Variants in ATP8B2 observed in about 807,000 individuals in gnomAD.
The protein encoded by ATP8B2 is ATPase phospholipid transporting 8B2, also known as phospholipid-transporting ATPase ID.
In ATP8B2, 70 loss-of-function variants were observed where a neutral mutation model predicts 133.4. The ratio of observed to expected loss-of-function variants is 0.52; its 90% CI spans 0.43 to 0.64. The LOEUF (loss-of-function observed/expected upper bound fraction) is 0.64, where lower values mean the gene tolerates loss of function less well. Ranked by LOEUF, ATP8B2 falls within the 30% of genes least tolerant of loss-of-function variation. The probability of loss-of-function intolerance (pLI) is 0.00; values close to 1 mark genes in which losing one functional copy is unlikely to be tolerated. For missense variants in ATP8B2, 1,101 were observed against 1,535.7 expected (o/e 0.72, Z 4.73); for synonymous variants, 517 against 589.5 (o/e 0.88, Z 1.78).
intron 12 of ATP8B2, 193 bp downstream of exon 12, chr1:154,337,737 C>T (rs1465676962): frequency 6.6e-7 from 1 of 1,524,884 alleles, no homozygotes; most frequent in Non-Finnish European, 8.7e-7. Flanking sequence ...GTACTTGGGA[C>T]TGTATTAGAG....
Position 154,330,953 on chromosome 1 carries a change from TG to T in ATP8B2, c.204+26del, listed in dbSNP as rs766257787. The T allele has an allele frequency of 7.5e-6, 12 of 1,606,766 alleles. No homozygotes were observed. In the South Asian group the frequency reaches 7.7e-5, roughly 10 times the overall value. ...GGTAGGTGACCCATAGTAGATTTTT[TG>T]CAGCTCCCCAAACTGAATAAAGCCA... On this transcript the variant is annotated intron_variant, in intron 4 of 27. Coordinates refer to ENST00000368489, the MANE Select transcript of ATP8B2 (RefSeq NM_001370597.1).
In ATP8B2 at chr1:154,328,761, G is replaced by T; in HGVS notation, c.31+589G>T. 1 of 995,936 alleles carries T rather than the reference G, an allele frequency of 1.0e-6. No individual in the cohort carries two copies. Among genetic ancestry groups the T allele is most frequent in the Non-Finnish European group, 1.2e-6 (1 of 837,314 alleles). 61.7% of individuals were successfully genotyped at this position (995,936 alleles called of 1,614,324 possible). On this transcript the variant is annotated intron_variant, in intron 2 of 27. Coordinates refer to ENST00000368489, the MANE Select transcript of ATP8B2 (RefSeq NM_001370597.1). This position sits in a 1 kb window ranked among gnomAD's most constrained non-coding sequence, Gnocchi z 4.6. The stretch of plus-strand genomic sequence containing the variant: ...GGCCACTCAGCGCACGCTGGCATCC[G>T]CCGGGGGGCATGGGGGGCGGCGGCG...
Position 154,328,876 on chromosome 1 carries a change from G to A in ATP8B2, c.31+704G>A, listed in dbSNP as rs1216100080. 1 of 1,208,196 alleles carries A rather than the reference G, an allele frequency of 8.3e-7. No individual in the cohort carries two copies. Among genetic ancestry groups the A allele is most frequent in the Non-Finnish European group, 1.1e-6 (1 of 945,836 alleles). The allele number at this position is 1,208,196 out of a possible 1,614,324, so 74.8% of individuals were successfully genotyped here. ...GTGGGGCGCGCGCCCGACGGCTGGG[G>A]CTCCCCTCTGAGCGGCTGCGGCTCC... is the stretch of plus-strand genomic sequence containing the variant. On this transcript the variant is annotated intron_variant, in intron 2 of 27. Coordinates refer to ENST00000368489, the MANE Select transcript of ATP8B2 (RefSeq NM_001370597.1). The surrounding 1 kb of genome is among the most constrained non-coding windows in gnomAD (Gnocchi z 4.6).
chr1:154,331,479 C>G lies in ATP8B2; in HGVS notation c.339C>G (p.Arg113=). ...AGAGCGATAACCAGGTGAATAACCG[C>G]CAGTCTCAGGTGCTGATCAATGGAA... The part of the protein sequence containing the change: ...RHKSDNQVNN[R]QSQVLINGIL... Residue 113 remains arginine (R), a synonymous_variant, in exon 6 of 28, where the codon CGC becomes CGG. Transcript: ENST00000368489. The surrounding 1 kb of genome is among the most constrained non-coding windows in gnomAD (Gnocchi z 4.8). 6.2e-7 allele frequency: 1 copy of G among 1,614,170 alleles called. No individual in the cohort carries two copies. The highest frequency in any genetic ancestry group is 1.7e-4 in the Middle Eastern group (1 of 6,046).
At chr1:154,342,649 AG>A in intron 14 of ATP8B2, 126 bp downstream of exon 14, 1 of 1,439,242 alleles carries the variant, frequency 6.9e-7, no homozygotes, top group Non-Finnish European at 9.7e-7. Flanking sequence ...GGGTGTTTTA[AG>A]GCAGAACTGG....
At position 154,334,428 on chromosome 1, in the gene ATP8B2, A is replaced by G; in HGVS notation, c.749-75A>G. 7 of 1,547,244 alleles carry G rather than the reference A, an allele frequency of 4.5e-6. No homozygotes were observed. Among genetic ancestry groups the G allele is most frequent in the Non-Finnish European group, 6.2e-6 (7 of 1,122,824 alleles). ...TCTCTATTCCACCCTGGTGTCCTGC[A>G]GTCTGGGGATCAGGGCAGAAGCCCA... On this transcript the variant is annotated intron_variant, in intron 10 of 27. Transcript: ENST00000368489. The surrounding 1 kb of genome is among the most constrained non-coding windows in gnomAD (Gnocchi z 4.6).
Position 154,328,060 on chromosome 1 carries a change from G to A in ATP8B2, c.-37-45G>A. ...AGAGGTCTCATGAGGGGAGGGAAGG[G>A]TTATCCTCAGCTTCCTGACCTCATT... On this transcript the variant is annotated intron_variant, in intron 1 of 27. Transcript: ENST00000368489. This position sits in a 1 kb window ranked among gnomAD's most constrained non-coding sequence, Gnocchi z 4.6. 6.3e-7 allele frequency: 1 copy of A among 1,593,690 alleles called. No individual in the cohort carries two copies. Among genetic ancestry groups the A allele is most frequent in the Non-Finnish European group, 8.6e-7 (1 of 1,161,448 alleles).
chr1:154,334,875 T>A lies in ATP8B2; in HGVS notation c.837+284T>A, dbSNP rs539669260. Among the ~76,000 whole-genome samples, 31 of 152,290 alleles carry A rather than the reference T, an allele frequency of 2.0e-4. No homozygotes were observed. The highest frequency in any genetic ancestry group is 2.0e-3 in the Admixed American group (31 of 15,298). ...TGACTTTGTGAAGCATGTGACCTTC[T>A]GTTTGCTTTTGCCAGGGACAAGGAG... On this transcript the variant is annotated intron_variant, in intron 11 of 27. Coordinates refer to ENST00000368489, the MANE Select transcript of ATP8B2 (RefSeq NM_001370597.1). The surrounding 1 kb of genome is among the most constrained non-coding windows in gnomAD (Gnocchi z 4.6).
chr1:154,335,985 T>C (rs1352776879), intron 11 of ATP8B2, among the ~76,000 whole-genome samples: 1 of 145,690 alleles, frequency 6.9e-6, no homozygotes. Context: ...CTTGCAGCAG[T>C]GAGCCGAGGT....
chr1:154,332,559 G>A, intron 8 of ATP8B2, 59 bp from the exon 9 acceptor site: 1 of 1,382,766 alleles, frequency 7.2e-7, no homozygotes, highest in Non-Finnish European at 1.0e-6. Context: ...CCCCATCTGT[G>A]AAAAAAAACA....
rs1686542481 is a variant in ATP8B2 at position 154,345,217 on chromosome 1, C to T, written c.2470+63C>T. 17 of 1,600,464 alleles carry T rather than the reference C, an allele frequency of 1.1e-5. No homozygotes were observed. Among genetic ancestry groups the T allele is most frequent in the African/African-American group, 1.3e-5 (1 of 74,576 alleles). ...AGGCTGGGGAGGGGCCCACTGAGGTCTCTGGACTGCAGAAGAATGACGGGA... is the reference window on the plus strand; with the variant it reads ...AGGCTGGGGAGGGGCCCACTGAGGTTTCTGGACTGCAGAAGAATGACGGGA... On this transcript the variant is annotated intron_variant, in intron 22 of 27. Transcript: ENST00000368489. This position sits in a 1 kb window ranked among gnomAD's most constrained non-coding sequence, Gnocchi z 5.6.
rs1558274024 is a variant in ATP8B2 at position 154,343,443 on chromosome 1, CCATT to C, written c.1643-6_1643-3del. 1 of 1,613,370 alleles carries C rather than the reference CCATT, an allele frequency of 6.2e-7. No individual in the cohort carries two copies. The highest frequency in any genetic ancestry group is 2.2e-5 in the East Asian group (1 of 44,838). ...TTTTCTGGCACTTTCTTCACCTGCCCCATTCATAGTGCGGAATCCAGAGGGGAAG... is the reference window on the plus strand; with the variant it reads ...TTTTCTGGCACTTTCTTCACCTGCCCCATAGTGCGGAATCCAGAGGGGAAG... On this transcript the variant is annotated splice_polypyrimidine_tract_variant and splice_region_variant and intron_variant, in intron 16 of 27. Coordinates refer to ENST00000368489, the MANE Select transcript of ATP8B2 (RefSeq NM_001370597.1). This position sits in a 1 kb window ranked among gnomAD's most constrained non-coding sequence, Gnocchi z 5.8.
chr1:154,350,278 C>G lies in ATP8B2; in HGVS notation c.*1160C>G, dbSNP rs1269627683. 1 of 152,106 alleles carries G rather than the reference C, an allele frequency of 6.6e-6. No individual in the cohort carries two copies. Among genetic ancestry groups the G allele is most frequent in the Non-Finnish European group, 1.5e-5 (1 of 68,052 alleles). The allele number at this position is 152,106 out of a possible 1,614,324, so 9.4% of individuals were successfully genotyped here. A position where few individuals can be genotyped will look rare whatever the true frequency, so the allele number is the denominator to read the frequency against. On this transcript the variant is annotated 3_prime_UTR_variant, in exon 28 of 28. Coordinates refer to ENST00000368489, the MANE Select transcript of ATP8B2 (RefSeq NM_001370597.1). ...TAGTAGAGATGTTTCACCATGTTGG[C>G]CAGGCTAGTCTTGAATTCCTGACCT... is the stretch of plus-strand genomic sequence containing the variant.
In ATP8B2 at chr1:154,343,166, G is replaced by A. The variant is rs754400736; in HGVS notation, c.1507G>A (p.Ala503Thr). 6.2e-7 allele frequency: 1 copy of A among 1,614,142 alleles called. No homozygotes were observed. The highest frequency in any genetic ancestry group is 1.1e-5 in the South Asian group (1 of 91,088). ...AGATGAGGGGGCCCTGGTCACCGCA[G>A]CCAGGAACTTTGGTTTTGTTTTCCG... ...SPDEGALVTA[A>T]RNFGFVFRSR... is the part of the protein sequence containing the mutation. The change falls in exon 16 of 28, where the codon GCC becomes ACC. Residue 503 changes from alanine (A) to threonine (T), a missense_variant. Ala to Thr is a moderately conservative substitution (Grantham distance 58, BLOSUM62 0). Coordinates refer to ENST00000368489, the MANE Select transcript of ATP8B2 (RefSeq NM_001370597.1). The surrounding 1 kb of genome is among the most constrained non-coding windows in gnomAD (Gnocchi z 5.8).
At position 154,332,038 on chromosome 1, in the gene ATP8B2, T is replaced by C; in HGVS notation, c.509+14T>C. The C allele has an allele frequency of 1.2e-6, 2 of 1,608,808 alleles. No individual in the cohort carries two copies. Among genetic ancestry groups the C allele is most frequent in the Non-Finnish European group, 1.7e-6 (2 of 1,175,134 alleles). On this transcript the variant is annotated intron_variant, in intron 8 of 27. Coordinates refer to ENST00000368489, the MANE Select transcript of ATP8B2 (RefSeq NM_001370597.1). ...AGAACTTGATGGGTAAGTGGCATGCTCAGTGTCAGCCCTCTCCTTCTGTCT... is the reference window on the plus strand; with the variant it reads ...AGAACTTGATGGGTAAGTGGCATGCCCAGTGTCAGCCCTCTCCTTCTGTCT...
intron 1 of ATP8B2, among the ~76,000 whole-genome samples, chr1:154,327,577 G>C (rs1481805823): frequency 2.0e-5 from 3 of 152,168 alleles, no homozygotes. Context: ...AGCTCCCCTG[G>C]AGGAGGTGAT....
rs1325132344 is a variant in ATP8B2 at position 154,343,659 on chromosome 1, G to A, written c.1758+91G>A. On this transcript the variant is annotated intron_variant, in intron 17 of 27. Coordinates refer to ENST00000368489, the MANE Select transcript of ATP8B2 (RefSeq NM_001370597.1). The surrounding 1 kb of genome is among the most constrained non-coding windows in gnomAD (Gnocchi z 5.8). ...AGTTTGTTTTATTGTGTAAATTTAA[G>A]GTCTACAACGTGATGTTTTGATGTG... 21 of 1,240,764 alleles carry A rather than the reference G, an allele frequency of 1.7e-5. No homozygotes were observed. In the East Asian group the frequency reaches 3.9e-4, roughly 23 times the overall value. The allele number at this position is 1,240,764 out of a possible 1,614,324, so 76.9% of individuals were successfully genotyped here.
chr1:154,348,546 G>C lies in ATP8B2; in HGVS notation c.3294+8G>C. Reference sequence around the variant, plus strand: ...CCGGATCTCTCCGACACGGTGAGAAGCCAGGCTACCTGCTGTGGGAGGCAG... The same window carrying C: ...CCGGATCTCTCCGACACGGTGAGAACCCAGGCTACCTGCTGTGGGAGGCAG... On this transcript the variant is annotated splice_region_variant and intron_variant, in intron 27 of 27. Transcript: ENST00000368489. 1 of 1,613,010 alleles carries C rather than the reference G, an allele frequency of 6.2e-7. No individual in the cohort carries two copies. The highest frequency in any genetic ancestry group is 8.5e-7 in the Non-Finnish European group (1 of 1,179,458).
At position 154,331,380 on chromosome 1, in the gene ATP8B2, A is replaced by G. The variant is rs377147877; in HGVS notation, c.304-64A>G. The G allele has an allele frequency of 5.2e-6, 8 of 1,545,656 alleles. No individual in the cohort carries two copies. Among genetic ancestry groups the G allele is most frequent in the East Asian group, 4.5e-5 (2 of 44,578 alleles). On this transcript the variant is annotated intron_variant, in intron 5 of 27. Transcript: ENST00000368489. This position sits in a 1 kb window ranked among gnomAD's most constrained non-coding sequence, Gnocchi z 4.8. ...CGTTAACCAGCATGCTCTGAGTTCT[A>G]CTGATCAACGAATTCCTTCGAGGCG... is the stretch of plus-strand genomic sequence containing the variant.
Sources: gnomAD v4.1 joint callset for allele counts (sites outside exome capture counted in the v4.1 genomes callset) on GRCh38, gnomAD v4.1.1 for gene constraint, Gnocchi (gnomAD v3.1) non-coding constraint, MANE v1.5 for transcripts, NCBI Gene and HGNC (gene_info 2026-07-23, HGNC 2026-07-21) for gene names.